The following TSPAN5 variants were observed in gnomAD, a reference collection of about 807,000 sequenced individuals.
TSPAN5 encodes the protein tetraspanin-5.
In TSPAN5, 10 loss-of-function variants were observed where a neutral mutation model predicts 37.1. The ratio of observed to expected loss-of-function variants is 0.27; its 90% CI spans 0.17 to 0.46. The LOEUF (loss-of-function observed/expected upper bound fraction) is 0.46, where lower values mean the gene tolerates loss of function less well. TSPAN5 is among the 20% of genes least tolerant of loss of function. The probability of loss-of-function intolerance (pLI) is 1.00; values close to 1 mark genes in which losing one functional copy is unlikely to be tolerated. For synonymous variants in TSPAN5, 110 were observed against 118.9 expected (o/e 0.93, Z 0.48); for missense variants, 195 against 326.6 (o/e 0.60, Z 3.11).
intron 3 of TSPAN5, chr4:98,485,325 G>A (rs919723702): frequency 2.6e-5 from 4 of 152,300 alleles, no homozygotes; most frequent in Admixed American, 6.5e-5. Flanking sequence ...GGCTCCCCAG[G>A]TTTCTGACTA....
chr4:98,567,715 C>T (rs569795346), intron 1 of TSPAN5, among the ~76,000 whole-genome samples: 1 of 152,176 alleles, frequency 6.6e-6, no homozygotes, highest in South Asian at 2.1e-4. Context: ...AGAGAGGAAA[C>T]CTGAAAGGGG....
intron 1 of TSPAN5, chr4:98,575,029 A>AC: frequency 6.4e-6 from 1 of 155,088 alleles, no homozygotes; most frequent in South Asian, 1.9e-4. Flanking sequence ...GGTGCAGACA[A>AC]GGGCCAGAGC....
At chr4:98,546,566 C>A (rs903815659) in intron 1 of TSPAN5, among the ~76,000 whole-genome samples, 1 of 152,114 alleles carries the variant, frequency 6.6e-6, no homozygotes, top group African/African-American at 2.4e-5. Flanking sequence ...ATATTTATAT[C>A]CCAGTTCATG....
At chr4:98,484,324 C>A in intron 3 of TSPAN5, 1 of 400,914 alleles carries the variant, frequency 2.5e-6, no homozygotes, top group South Asian at 1.8e-5. Context: ...TTTCCCTCAG[C>A]AAGTCTCCTA....
In TSPAN5 at chr4:98,544,397, C is replaced by CTGTGTGTGTGTGTGTGTGTGTG. The variant is rs1363666850; in HGVS notation, c.82-36670_82-36669insCACACACACACACACACACACA. ...AACTGTCCACTGTCAACCATTTCATCTGTGTGTCTGTGTGTGTGTGTGTAT... is the reference window on the plus strand; with the variant it reads ...AACTGTCCACTGTCAACCATTTCATCTGTGTGTGTGTGTGTGTGTGTGTGTGTGTCTGTGTGTGTGTGTGTAT... On this transcript the variant is annotated intron_variant, in intron 1 of 7. Coordinates refer to ENST00000305798, the MANE Select transcript of TSPAN5 (RefSeq NM_005723.4). Among the ~76,000 whole-genome samples, 13 of 152,256 alleles carry CTGTGTGTGTGTGTGTGTGTGTG rather than the reference C, an allele frequency of 8.5e-5. 1 individual carries two copies. Among genetic ancestry groups the CTGTGTGTGTGTGTGTGTGTGTG allele is most frequent in the African/African-American group, 3.1e-4 (13 of 41,536 alleles).
In TSPAN5 at chr4:98,599,136, A is replaced by AT. The variant is rs892981504; in HGVS notation, c.81+59009dup. On this transcript the variant is annotated intron_variant, in intron 1 of 7. Transcript: ENST00000305798. Reference sequence around the variant, plus strand: ...GATTATAATCTAAAAAGCCATTTTAATTTTTTTTTATTTTTGTTTTTAGAG... The same window carrying AT: ...GATTATAATCTAAAAAGCCATTTTAATTTTTTTTTTATTTTTGTTTTTAGAG... Among the ~76,000 whole-genome samples the AT allele has an allele frequency of 3.2e-4, 49 of 151,870 alleles. No homozygotes were observed. In the South Asian group the frequency reaches 9.2e-3, roughly 28 times the overall value.
At chr4:98,499,625 G>T (rs1753295568) in intron 2 of TSPAN5, among the ~76,000 whole-genome samples, 1 of 151,426 alleles carries the variant, frequency 6.6e-6, no homozygotes, top group African/African-American at 2.4e-5. Context: ...ATAGCTTCCA[G>T]GTACTGACCA....
intron 3 of TSPAN5, chr4:98,483,857 C>T (rs543673877): frequency 6.6e-6 from 1 of 152,344 alleles, no homozygotes; most frequent in South Asian, 2.1e-4. Context: ...GAAAAATGAA[C>T]AGAAAAAATA....
At position 98,557,708 on chromosome 4, in the gene TSPAN5, G is replaced by A. The variant is rs1035410878; in HGVS notation, c.82-49980C>T. 1.1e-4 allele frequency among the ~76,000 whole-genome samples: 17 copies of A among 152,292 alleles called. No individual in the cohort carries two copies. In the South Asian group the frequency reaches 2.5e-3, roughly 22 times the overall value. ...CTTTACAGTGGAGAAATCTGGCAGC[G>A]GATTGCATCGGCCACGTGATCAAGA... On this transcript the variant is annotated intron_variant, in intron 1 of 7. Transcript: ENST00000305798.
intron 1 of TSPAN5, among the ~76,000 whole-genome samples, chr4:98,511,213 T>C (rs1356095465): frequency 6.6e-6 from 1 of 152,254 alleles, no homozygotes; most frequent in African/African-American, 2.4e-5. Context: ...TTTGATGTTT[T>C]AAAATAAATA....
chr4:98,587,152 G>A (rs550058277), intron 1 of TSPAN5, among the ~76,000 whole-genome samples: 5 of 152,324 alleles, frequency 3.3e-5, no homozygotes, highest in Non-Finnish European at 1.5e-5. Context: ...AGGAAAAGTG[G>A]AGGGCGCCAA....
intron 5 of TSPAN5, among the ~76,000 whole-genome samples, chr4:98,477,800 G>A (rs537180968): frequency 2.0e-5 from 3 of 151,696 alleles, no homozygotes; most frequent in Non-Finnish European, 2.9e-5. Context: ...ATGGGACCAC[G>A]GGTGTGTGCC....
chr4:98,620,407 C>T (rs1756453961), intron 1 of TSPAN5, among the ~76,000 whole-genome samples: 1 of 152,190 alleles, frequency 6.6e-6, no homozygotes, highest in Non-Finnish European at 1.5e-5. Flanking sequence ...TGATTCTGGC[C>T]TCCAGCTGTT....
chr4:98,589,885 T>G (rs1015291666), intron 1 of TSPAN5, among the ~76,000 whole-genome samples: 1 of 152,174 alleles, frequency 6.6e-6, no homozygotes, highest in Non-Finnish European at 1.5e-5. Flanking sequence ...TTTTCTCCCC[T>G]TTTTCTCTTT....
intron 1 of TSPAN5, among the ~76,000 whole-genome samples, chr4:98,544,957 C>G (rs1011725667): frequency 1.3e-5 from 2 of 152,190 alleles, no homozygotes; most frequent in Admixed American, 1.3e-4. Flanking sequence ...CCCCATGGAG[C>G]AGCCCTCCTC....
At chr4:98,579,635 T>C (rs543631876) in intron 1 of TSPAN5, among the ~76,000 whole-genome samples, 1 of 152,224 alleles carries the variant, frequency 6.6e-6, no homozygotes, top group Non-Finnish European at 1.5e-5. Context: ...AAAATTGCGT[T>C]ACAAGAATGC....
Position 98,507,738 on chromosome 4 carries a change from A to G in TSPAN5, c.82-10T>C, listed in dbSNP as rs764979876. 6.2e-7 allele frequency: 1 copy of G among 1,606,034 alleles called. No homozygotes were observed. Among genetic ancestry groups the G allele is most frequent in the Non-Finnish European group, 8.5e-7 (1 of 1,176,644 alleles). ...ATGTTATTCCCAAAAACTGAAAAAG[A>G]AAGAAAGCAGTGTAAATATAAGGGA... On this transcript the variant is annotated splice_polypyrimidine_tract_variant and intron_variant, in intron 1 of 7. Transcript: ENST00000305798.
At chr4:98,521,198 G>A (rs1320554216) in intron 1 of TSPAN5, among the ~76,000 whole-genome samples, 4 of 152,198 alleles carry the variant, frequency 2.6e-5, no homozygotes, top group Non-Finnish European at 5.9e-5. Context: ...CCAAAGCACT[G>A]AGATTACAGG....
chr4:98,600,999 A>G (rs931638488), intron 1 of TSPAN5, among the ~76,000 whole-genome samples: 7 of 152,224 alleles, frequency 4.6e-5, no homozygotes, highest in African/African-American at 1.4e-4. Flanking sequence ...TCCTTGTACT[A>G]TAAGAGCTCT....
Sources: allele counts gnomAD v4.1 joint callset (sites outside exome capture counted in the v4.1 genomes callset), GRCh38; gene constraint gnomAD v4.1.1; transcripts MANE v1.5; gene names NCBI Gene and HGNC (gene_info 2026-07-23, HGNC 2026-07-21).